Variants in AK9 observed in about 807,000 individuals in gnomAD.
AK9 encodes the protein adenylate kinase domain containing 1.
A neutral mutation model predicts 239.6 loss-of-function variants in AK9; 191 were observed. That is an observed-to-expected ratio of 0.80 (90% CI 0.71 to 0.90). The LOEUF (loss-of-function observed/expected upper bound fraction) is 0.90, where lower values mean the gene tolerates loss of function less well. AK9 is among the 40% of genes least tolerant of loss of function. The pLI, the probability that AK9 is intolerant of heterozygous loss-of-function variation, is 0.00. For synonymous variants in AK9, 689 were observed against 721.0 expected, an observed-to-expected ratio of 0.96 and a Z score of 0.71; for missense variants, 1,995 against 2,214.7, an observed-to-expected ratio of 0.90 and a Z score of 1.99.
At chr6:109,591,663 T>A (rs1174872552) in intron 17 of AK9, among the ~76,000 whole-genome samples, 1 of 152,216 alleles carries the variant, frequency 6.6e-6, no homozygotes, top group African/African-American at 2.4e-5. Context: ...CATGTGTTTT[T>A]ATGATGCTGA....
intron 1 of AK9, among the ~76,000 whole-genome samples, chr6:109,683,723 C>T (rs1773029266): frequency 6.6e-6 from 1 of 152,128 alleles, no homozygotes; most frequent in South Asian, 2.1e-4. Context: ...AGGAGAATTA[C>T]AAACCACTGC....
chr6:109,632,410 T>C (rs1366396443), intron 12 of AK9: 2 of 752,756 alleles, frequency 2.7e-6, no homozygotes, highest in Non-Finnish European at 3.2e-6. Context: ...ATCCCAAATA[T>C]GCTTGTTTCA....
intron 1 of AK9, among the ~76,000 whole-genome samples, chr6:109,686,159 ATAG>A (rs995995686): frequency 6.6e-6 from 1 of 152,238 alleles, no homozygotes; most frequent in Non-Finnish European, 1.5e-5. Flanking sequence ...TTGAGACAAT[ATAG>A]TATAAAGGGG....
At chr6:109,688,767 G>A (rs1453024649) in intron 1 of AK9, among the ~76,000 whole-genome samples, 4 of 152,276 alleles carry the variant, frequency 2.6e-5, no homozygotes, top group South Asian at 2.1e-4. Flanking sequence ...AACTACTGCT[G>A]CCACCTGGTC....
chr6:109,645,141 G>A (rs770721488), intron 8 of AK9, among the ~76,000 whole-genome samples: 26 of 152,176 alleles, frequency 1.7e-4, no homozygotes, highest in Non-Finnish European at 3.1e-4. Context: ...CAGCGTGATC[G>A]ATGCAGAAGA....
intron 27 of AK9, among the ~76,000 whole-genome samples, chr6:109,539,240 C>A (rs1036075269): frequency 6.6e-6 from 1 of 152,186 alleles, no homozygotes; most frequent in African/African-American, 2.4e-5. Flanking sequence ...TCAGGTACAC[C>A]AATCAGACGT....
At chr6:109,608,781 T>C (rs1381159225) in intron 17 of AK9, among the ~76,000 whole-genome samples, 1 of 152,066 alleles carries the variant, frequency 6.6e-6, no homozygotes, top group Non-Finnish European at 1.5e-5. Context: ...GTAAAGATAA[T>C]TGCAAAATAT....
In AK9 at chr6:109,550,204, G is replaced by A; in HGVS notation, c.2850C>T (p.Asn950=). 1 of 1,613,798 alleles carries A rather than the reference G, an allele frequency of 6.2e-7. No individual in the cohort carries two copies. The highest frequency in any genetic ancestry group is 8.5e-7 in the Non-Finnish European group (1 of 1,179,998). ...LKENFILQPG[N]TEEAAKYREK... is the part of the protein sequence containing the mutation. ...CTCGATACTTGGCTGCTTCTTCTGTGTTTCCTGGTTGCAGGATGAAGTTTT... is the reference window on the plus strand; with the variant it reads ...CTCGATACTTGGCTGCTTCTTCTGTATTTCCTGGTTGCAGGATGAAGTTTT... The change falls in exon 25 of 41, where the codon AAC becomes AAT. Residue 950 remains asparagine (N), a synonymous_variant. Coordinates refer to ENST00000424296, the MANE Select transcript of AK9 (RefSeq NM_001145128.3).
At chr6:109,529,164 A>G (rs1221993601) in intron 28 of AK9, 91 bp from the exon 29 acceptor site, 22 of 1,388,946 alleles carry the variant, frequency 1.6e-5, no homozygotes, top group Non-Finnish European at 2.1e-5. Flanking sequence ...AAGTAGGAAT[A>G]ACGTTTGGGC....
At chr6:109,663,737 T>G (rs1241190899) in intron 5 of AK9, among the ~76,000 whole-genome samples, 1 of 152,204 alleles carries the variant, frequency 6.6e-6, no homozygotes, top group African/African-American at 2.4e-5. Context: ...TTATTCCAAG[T>G]GCAAGACAGA....
chr6:109,495,369 G>A lies in AK9; in HGVS notation c.5387C>T (p.Thr1796Ile). 6.2e-7 allele frequency: 1 copy of A among 1,613,858 alleles called. No homozygotes were observed. Among genetic ancestry groups the A allele is most frequent in the South Asian group, 1.1e-5 (1 of 91,050 alleles). The change falls in exon 39 of 41, where the codon ACT becomes ATT. Residue 1796 changes from threonine to isoleucine, a missense_variant. Thr to Ile is a moderately conservative substitution (Grantham distance 89). Transcript: ENST00000424296. ...LPPLREPILL[T>I]SLPLPGYLEQ... ...CAGATATCCAGGCAAAGGAAGACTA[G>A]TAAGAAGTATCGGTTCCCTTAATGG...
At position 109,545,993 on chromosome 6, in the gene AK9, T is replaced by G. The variant is rs1247142262; in HGVS notation, c.3099A>C (p.Lys1033Asn). 1.2e-6 allele frequency: 2 copies of G among 1,614,152 alleles called. No homozygotes were observed. Among genetic ancestry groups the G allele is most frequent in the Admixed American group, 3.3e-5 (2 of 60,012 alleles). The change falls in exon 26 of 41, where the codon AAA becomes AAC. Residue 1033 changes from lysine (K) to asparagine (N), a missense_variant. Lys to Asn is a moderately conservative substitution (Grantham distance 94). This residue lies in a region of AK9 where 1,290 missense variants were observed against 1,392.7 expected (regional missense o/e 0.93). Coordinates refer to ENST00000424296, the MANE Select transcript of AK9 (RefSeq NM_001145128.3). The stretch of plus-strand genomic sequence containing the variant: ...ATTCAGGTCCCACTTTCTTTTCAGT[T>G]TTGAGTAGTAGTTTTTCTTGAAGAA... ...EEVLQEKLLLKTEKKVGPEFE... is the reference protein window; with the variant it reads ...EEVLQEKLLLNTEKKVGPEFE...
intron 12 of AK9, among the ~76,000 whole-genome samples, chr6:109,623,862 G>C (rs1431597718): frequency 2.2e-5 from 3 of 136,120 alleles, no homozygotes; most frequent in Non-Finnish European, 3.1e-5. Context: ...AGGAATCTTA[G>C]ACACACACAC....
chr6:109,569,157 C>T (rs1787021163), intron 21 of AK9, among the ~76,000 whole-genome samples: 1 of 151,796 alleles, frequency 6.6e-6, no homozygotes, highest in African/African-American at 2.4e-5. Flanking sequence ...TTTGACAAAC[C>T]TGACAAAAAC....
At chr6:109,522,336 A>T (rs780797806) in intron 29 of AK9, among the ~76,000 whole-genome samples, 3 of 151,946 alleles carry the variant, frequency 2.0e-5, no homozygotes, top group Non-Finnish European at 4.4e-5. Context: ...AATACTGGGA[A>T]CTTTTCTTCT....
At chr6:109,655,183 A>C (rs1272258003) in intron 8 of AK9, among the ~76,000 whole-genome samples, 1 of 152,192 alleles carries the variant, frequency 6.6e-6, no homozygotes, top group Non-Finnish European at 1.5e-5. Context: ...GGGGTATAAG[A>C]GTTCTTTACC....
intron 10 of AK9, among the ~76,000 whole-genome samples, chr6:109,640,598 T>C (rs1177600761): frequency 6.6e-6 from 1 of 152,052 alleles, no homozygotes; most frequent in Admixed American, 6.5e-5. Flanking sequence ...TTTTTATTTT[T>C]TGTAGGGCCA....
intron 20 of AK9, among the ~76,000 whole-genome samples, chr6:109,578,572 T>G (rs565323794): frequency 6.6e-6 from 1 of 152,274 alleles, no homozygotes; most frequent in South Asian, 2.1e-4. Context: ...TTTGGGGATC[T>G]TGGGTTCGGG....
At position 109,566,316 on chromosome 6, in the gene AK9, A is replaced by T. The variant is rs1246672632; in HGVS notation, c.2345-1471T>A. ...TCCTGTTGGTAAATGCAAGAGTTGGATATATTCTGCTTCATCCAAGAATAA... is the reference window on the plus strand; with the variant it reads ...TCCTGTTGGTAAATGCAAGAGTTGGTTATATTCTGCTTCATCCAAGAATAA... On this transcript the variant is annotated intron_variant, in intron 21 of 40. Transcript: ENST00000424296. Among the ~76,000 whole-genome samples the T allele has an allele frequency of 3.3e-5, 5 of 152,266 alleles. No homozygotes were observed. The East Asian group carries it at 9.7e-4, about 29-fold the overall frequency.
Sources: gnomAD v4.1 joint callset for allele counts (sites outside exome capture counted in the v4.1 genomes callset) on GRCh38, gnomAD v4.1.1 for gene constraint, gnomAD v4.1.1 regional missense constraint, MANE v1.5 for transcripts, NCBI Gene and HGNC (gene_info 2026-07-23, HGNC 2026-07-21) for gene names.